CRYZL1: variants seen among roughly 807,000 people sequenced by gnomAD.
CRYZL1 encodes the protein ferry endosomal RAB5 effector complex subunit 4.
In CRYZL1, 34 loss-of-function variants were observed where a neutral mutation model predicts 50.6. The ratio of observed to expected loss-of-function variants is 0.67; its 90% confidence interval spans 0.51 to 0.89. The LOEUF (loss-of-function observed/expected upper bound fraction) is 0.89, where lower values mean the gene tolerates loss of function less well. Ranked by LOEUF, CRYZL1 falls within the 40% of genes least tolerant of loss-of-function variation. The pLI is 0.00. For synonymous variants in CRYZL1, 125 were observed against 134.3 expected (o/e 0.93, Z 0.48); for missense variants, 354 against 402.3 (o/e 0.88, Z 1.03).
rs1376408341 is a variant in CRYZL1, at chr21:33,637,971, GGGGAA to G, written c.-7+3705_-7+3709del. On this transcript the variant is annotated intron_variant, in intron 1 of 12. Transcript: ENST00000381554. ...ATTATAATACTAGCTGGATTGTTAGGGGGAAATCTTCAGTTATATTTTGATCATTT... is the reference window on the plus strand; with the variant it reads ...ATTATAATACTAGCTGGATTGTTAGGATCTTCAGTTATATTTTGATCATTT... Among the ~76,000 whole-genome samples the G allele has an allele frequency of 9.3e-3, 1,409 of 151,696 alleles. 29 individuals are homozygous for G. The highest frequency in any genetic ancestry group is 0.033 in the African/African-American group (1,374 of 41,370).
At chr21:33,613,997 C>G (rs1361830741) in intron 5 of CRYZL1, among the ~76,000 whole-genome samples, 1 of 151,760 alleles carries the variant, frequency 6.6e-6, no homozygotes, top group Non-Finnish European at 1.5e-5. Flanking sequence ...ATGGAGAAAC[C>G]CTGTCTCTAC....
chr21:33,635,139 C>T (rs1243003115), intron 1 of CRYZL1, among the ~76,000 whole-genome samples: 1 of 151,740 alleles, frequency 6.6e-6, no homozygotes, highest in East Asian at 1.9e-4. Context: ...ATACTGAGTT[C>T]CTAGTACTAG....
chr21:33,603,489 C>T lies in CRYZL1; in HGVS notation c.380G>A (p.Arg127Gln), dbSNP rs753490551. ...VTWTEAAGSI[R>Q]DGVRAYTALH... ...AGCTGTATAGGCACGCACTCCATCC[C>T]GAATGCTTCCTGCTGCTTCCGTCCA... The change falls in exon 7 of 13, where the codon CGG becomes CAG. Residue 127 changes from arginine (R) to glutamine (Q), a missense_variant. Arg to Gln is a conservative substitution (Grantham distance 43). Transcript: ENST00000381554. 2.4e-5 allele frequency: 39 copies of T among 1,614,150 alleles called. No individual in the cohort carries two copies. The highest frequency in any genetic ancestry group is 1.8e-4 in the East Asian group (8 of 44,874).
At chr21:33,631,379 G>C in intron 2 of CRYZL1, 107 bp downstream of exon 2, 1 of 707,654 alleles carries the variant, frequency 1.4e-6, no homozygotes, top group African/African-American at 1.9e-5. Context: ...AGTTTCATTT[G>C]AGTAATTTTG....
At position 33,613,615 on chromosome 21, in the gene CRYZL1, C is replaced by T. The variant is rs1255855498; in HGVS notation, c.263-9G>A. 4.4e-6 allele frequency: 7 copies of T among 1,604,164 alleles called. No homozygotes were observed. Among genetic ancestry groups the T allele is most frequent in the Middle Eastern group, 1.7e-4 (1 of 6,044 alleles). The stretch of plus-strand genomic sequence containing the variant: ...GTCCAGGGGCAAAATTCCTAAAAAT[C>T]AAAACAAGAAATTAAAGGGATGTAA... On this transcript the variant is annotated splice_polypyrimidine_tract_variant and intron_variant, in intron 5 of 12. Coordinates refer to ENST00000381554, the MANE Select transcript of CRYZL1 (RefSeq NM_145858.3).
rs1180239638 is a variant in CRYZL1, at chr21:33,616,744, C to T, written c.224G>A (p.Ser75Asn). ...ATCTGGTTGAAAGAATGATACCTTG[C>T]TTCCAACTAAAGAGTGAAGAAAATT... is the stretch of plus-strand genomic sequence containing the variant. ...EIAGIVLDVG[S>N]KVSFFQPDDE... Residue 75 changes from serine (S) to asparagine (N), a missense_variant, in exon 5 of 13, where the codon AGC (serine) becomes AAC (asparagine). Transcript: ENST00000381554. 2.5e-6 allele frequency: 4 copies of T among 1,605,478 alleles called. No homozygotes were observed. Among genetic ancestry groups the T allele is most frequent in the Non-Finnish European group, 2.6e-6 (3 of 1,175,208 alleles).
Position 33,602,445 on chromosome 21 carries a change from T to A in CRYZL1, c.466-100A>T, listed in dbSNP as rs1451757307. 1.2e-5 allele frequency: 6 copies of A among 490,774 alleles called. No individual in the cohort carries two copies. The East Asian group carries it at 1.6e-4, about 13-fold the overall frequency. 30.4% of individuals were successfully genotyped at this position (490,774 alleles called of 1,614,324 possible). A position where few individuals can be genotyped will look rare whatever the true frequency, so the allele number is the denominator to read the frequency against. ...TTTAATAAAGTATAATTCTTTAGTG[T>A]TACTTTAGTATATTTTAAAATGTTA... On this transcript the variant is annotated intron_variant, in intron 7 of 12. Transcript: ENST00000381554.
rs778376844 is a variant in CRYZL1, at chr21:33,591,193, C to T, written c.919G>A (p.Val307Met). Residue 307 changes from valine to methionine, a missense_variant, in exon 12 of 13, where the codon GTG (valine) becomes ATG (methionine). Coordinates refer to ENST00000381554, the MANE Select transcript of CRYZL1 (RefSeq NM_145858.3). ...ACACCAGTTGATAACTTCTCCATCA[C>T]ATCCTTTAAGATACGTAGCTGGAAG... ...QGKYLCILKD[V>M]MEKLSTGVFR... The T allele has an allele frequency of 1.2e-6, 2 of 1,610,304 alleles. No homozygotes were observed. The highest frequency in any genetic ancestry group is 1.7e-5 in the Admixed American group (1 of 60,016).
intron 1 of CRYZL1, among the ~76,000 whole-genome samples, chr21:33,637,273 G>C (rs1360524930): frequency 6.6e-6 from 1 of 151,712 alleles, no homozygotes; most frequent in Non-Finnish European, 1.5e-5. Flanking sequence ...GTGAAACCCC[G>C]TCTCTACTAA....
chr21:33,631,577 A>C lies in CRYZL1; in HGVS notation c.-6-20T>G. 7.2e-7 allele frequency: 1 copy of C among 1,383,866 alleles called. No individual in the cohort carries two copies. The highest frequency in any genetic ancestry group is 9.5e-7 in the Non-Finnish European group (1 of 1,048,218). The allele number at this position is 1,383,866 out of a possible 1,614,324, so 85.7% of individuals were successfully genotyped here. On this transcript the variant is annotated intron_variant, in intron 1 of 12. Coordinates refer to ENST00000381554, the MANE Select transcript of CRYZL1 (RefSeq NM_145858.3). ...AGTCACCTAAAAATAAATATATATA[A>C]ATGAAATAAAATAACAAGTCTTCCA...
At chr21:33,616,806 T>A in intron 4 of CRYZL1, 56 bp from the exon 5 acceptor site, 1 of 1,383,876 alleles carries the variant, frequency 7.2e-7, no homozygotes, top group Non-Finnish European at 9.7e-7. Context: ...ATATAATTCT[T>A]ATCTATTAAA....
intron 6 of CRYZL1, among the ~76,000 whole-genome samples, chr21:33,609,324 A>C (rs1282607582): frequency 6.6e-6 from 1 of 152,080 alleles, no homozygotes; most frequent in Admixed American, 6.6e-5. Context: ...TTCTTAAAGT[A>C]CTACTTTTTT....
intron 4 of CRYZL1, 179 bp from the exon 5 acceptor site, chr21:33,616,929 G>A (rs1456746419): frequency 2.5e-5 from 11 of 443,616 alleles, no homozygotes; most frequent in Non-Finnish European, 3.5e-5. Context: ...AGGATATACA[G>A]CACTTCAAAT....
chr21:33,607,041 G>A (rs562089831), intron 6 of CRYZL1, among the ~76,000 whole-genome samples: 3 of 152,046 alleles, frequency 2.0e-5, no homozygotes, highest in South Asian at 2.1e-4. Context: ...AAATAAATGC[G>A]AGCCATATTT....
At chr21:33,608,250 T>A (rs892171317) in intron 6 of CRYZL1, among the ~76,000 whole-genome samples, 1 of 151,726 alleles carries the variant, frequency 6.6e-6, no homozygotes, top group Admixed American at 6.6e-5. Flanking sequence ...AGGTCAGGAG[T>A]TCGAGACGGG....
chr21:33,621,969 T>C (rs778646128), intron 4 of CRYZL1, 27 bp downstream of exon 4: 5 of 1,485,282 alleles, frequency 3.4e-6, no homozygotes. Context: ...AGAAAATAAA[T>C]ACATATACTC....
At chr21:33,636,107 AC>A (rs1302915584) in intron 1 of CRYZL1, among the ~76,000 whole-genome samples, 2 of 152,024 alleles carry the variant, frequency 1.3e-5, no homozygotes, top group Non-Finnish European at 2.9e-5. Context: ...ATGATATAAA[AC>A]TTTTTGCCCA....
At chr21:33,637,183 C>A (rs1437330652) in intron 1 of CRYZL1, among the ~76,000 whole-genome samples, 1 of 152,140 alleles carries the variant, frequency 6.6e-6, no homozygotes, top group Non-Finnish European at 1.5e-5. Flanking sequence ...CGGTGGCTCA[C>A]GCCTGTAATC....
chr21:33,604,806 G>C (rs2086794320), intron 6 of CRYZL1, among the ~76,000 whole-genome samples: 1 of 152,140 alleles, frequency 6.6e-6, no homozygotes. Flanking sequence ...TGCTAAGTGT[G>C]TTCGTATATG....
Sources: allele counts gnomAD v4.1 joint callset (sites outside exome capture counted in the v4.1 genomes callset), GRCh38; gene constraint gnomAD v4.1.1; transcripts MANE v1.5; gene names NCBI Gene and HGNC (gene_info 2026-07-23, HGNC 2026-07-21).